Variants in SLC38A1 observed in about 807,000 individuals in gnomAD.
SLC38A1 encodes solute carrier family 38 member 1.
SLC38A1 carries 18 observed loss-of-function variants against 60.3 expected under a neutral mutation model. The ratio of observed to expected loss-of-function variants is 0.30; its 90% CI spans 0.21 to 0.44. The LOEUF (loss-of-function observed/expected upper bound fraction) is 0.44, where lower values mean the gene tolerates loss of function less well. Among genes scored for constraint, SLC38A1 ranks in the 20% least tolerant of loss-of-function variants. The pLI is 1.00. For synonymous variants in SLC38A1, 196 were observed against 212.1 expected, an observed-to-expected ratio of 0.92 and a Z score of 0.66; for missense variants, 448 against 587.2, an observed-to-expected ratio of 0.76 and a Z score of 2.45.
intron 1 of SLC38A1, among the ~76,000 whole-genome samples, chr12:46,261,731 A>G (rs972388535): frequency 5.9e-5 from 9 of 152,190 alleles, no homozygotes; most frequent in African/African-American, 1.9e-4. Flanking sequence ...GGTATTTATC[A>G]TTACTGTCCC....
At chr12:46,192,593 A>G (rs953669090) in intron 16 of SLC38A1, among the ~76,000 whole-genome samples, 3 of 152,048 alleles carry the variant, frequency 2.0e-5, no homozygotes, top group Admixed American at 6.6e-5. Flanking sequence ...GCTATTATTT[A>G]TTGCCTCAAT....
chr12:46,188,747 GA>G lies in SLC38A1; in HGVS notation c.*222del, dbSNP rs1248770650. ...TGGGAAATATGATTGTATGAAATTT[GA>G]AAAAAAAATTTCACAATCCCTAAAT... On this transcript the variant is annotated 3_prime_UTR_variant, in exon 17 of 17. Coordinates refer to ENST00000398637, the MANE Select transcript of SLC38A1 (RefSeq NM_030674.4). 27 of 404,526 alleles carry G rather than the reference GA, an allele frequency of 6.7e-5. No individual in the cohort carries two copies. Among genetic ancestry groups the G allele is most frequent in the Non-Finnish European group, 8.5e-5 (19 of 223,358 alleles). 25.1% of individuals were successfully genotyped at this position (404,526 alleles called of 1,614,324 possible). A position where few individuals can be genotyped will look rare whatever the true frequency, so the allele number is the denominator to read the frequency against.
At position 46,184,667 on chromosome 12, in the gene SLC38A1, A is replaced by G. The variant is rs1321177336; in HGVS notation, c.*4303T>C. On this transcript the variant is annotated 3_prime_UTR_variant, in exon 17 of 17. Coordinates refer to ENST00000398637, the MANE Select transcript of SLC38A1 (RefSeq NM_030674.4). ...AGCAGAGCAGACCTTTCAGTAGAGA[A>G]TTCGCTTTAAAAGGAGGACAGGATT... is the stretch of plus-strand genomic sequence containing the variant. The G allele has an allele frequency of 6.6e-6, 1 of 152,188 alleles. No individual in the cohort carries two copies. The highest frequency in any genetic ancestry group is 1.9e-4 in the East Asian group (1 of 5,196). 9.4% of individuals were successfully genotyped at this position (152,188 alleles called of 1,614,324 possible). A position where few individuals can be genotyped will look rare whatever the true frequency, so the allele number is the denominator to read the frequency against.
At chr12:46,203,991 G>A (rs1031819781) in intron 11 of SLC38A1, among the ~76,000 whole-genome samples, 11 of 152,064 alleles carry the variant, frequency 7.2e-5, no homozygotes, top group Non-Finnish European at 1.6e-4. Flanking sequence ...TTCTGTCATC[G>A]CCAGAAGAAG....
At chr12:46,229,442 T>C in intron 4 of SLC38A1, 122 bp downstream of exon 4, 2 of 834,366 alleles carry the variant, frequency 2.4e-6, no homozygotes, top group Non-Finnish European at 4.0e-6. Context: ...ACATAAGGTA[T>C]GAGGAATATC....
intron 13 of SLC38A1, among the ~76,000 whole-genome samples, chr12:46,198,972 A>G (rs995153839): frequency 1.3e-5 from 2 of 152,226 alleles, no homozygotes; most frequent in Non-Finnish European, 2.9e-5. Context: ...AAGAAGCTAC[A>G]TGGAGTGGGA....
At chr12:46,202,591 T>C (rs1281805194) in intron 12 of SLC38A1, among the ~76,000 whole-genome samples, 1 of 152,226 alleles carries the variant, frequency 6.6e-6, no homozygotes, top group Non-Finnish European at 1.5e-5. Flanking sequence ...TCTGATTTAC[T>C]AGCCTTTTCA....
At chr12:46,200,191 T>C (rs1313012647) in intron 13 of SLC38A1, among the ~76,000 whole-genome samples, 2 of 152,202 alleles carry the variant, frequency 1.3e-5, no homozygotes, top group Non-Finnish European at 2.9e-5. Context: ...TATGAATTCA[T>C]TAGACAATGC....
chr12:46,229,213 A>G lies in SLC38A1; in HGVS notation c.254T>C (p.Met85Thr), dbSNP rs1351440148. Residue 85 changes from methionine to threonine, a missense_variant, in exon 5 of 17, where the codon ATG becomes ACG. Met to Thr is a moderately conservative substitution (Grantham distance 81, BLOSUM62 -1). Around this residue, in one of 2 missense-constraint regions of SLC38A1, gnomAD observed 346 missense variants for 497.5 expected, o/e 0.70. Transcript: ENST00000398637. Reference sequence around the variant, plus strand: ...GGCGAGTCCCAAAATCCCACTGCCCATAATGGCGTTGCTTAGGTTAAAAAC... The same window carrying G: ...GGCGAGTCCCAAAATCCCACTGCCCGTAATGGCGTTGCTTAGGTTAAAAAC... The part of the protein sequence containing the change: ...MSVFNLSNAI[M>T]GSGILGLAFA... The G allele has an allele frequency of 6.2e-7, 1 of 1,613,874 alleles. No individual in the cohort carries two copies. Among genetic ancestry groups the G allele is most frequent in the Non-Finnish European group, 8.5e-7 (1 of 1,179,852 alleles).
rs1939804675 is a variant in SLC38A1, at chr12:46,204,500, A to G, written c.705+32T>C. The stretch of plus-strand genomic sequence containing the variant: ...TATTACATGCCATTGTACTATCACA[A>G]AACCAAACCAACCATTGCAATCAGC... On this transcript the variant is annotated intron_variant, in intron 10 of 16. Transcript: ENST00000398637. 1.9e-6 allele frequency: 3 copies of G among 1,611,236 alleles called. No individual in the cohort carries two copies. In the East Asian group the frequency reaches 6.7e-5, roughly 36 times the overall value.
At chr12:46,206,834 C>G (rs1492890) in intron 8 of SLC38A1, among the ~76,000 whole-genome samples, 1 of 151,998 alleles carries the variant, frequency 6.6e-6, no homozygotes, top group Non-Finnish European at 1.5e-5. Context: ...TTTTGTTGCA[C>G]GTTCCACTTT....
At chr12:46,226,609 T>C (rs544669573) in intron 5 of SLC38A1, among the ~76,000 whole-genome samples, 1 of 134,524 alleles carries the variant, frequency 7.4e-6, no homozygotes, top group Non-Finnish European at 1.6e-5. Flanking sequence ...CTGAAGGTCA[T>C]GGATTTCCTT....
intron 16 of SLC38A1, among the ~76,000 whole-genome samples, chr12:46,194,158 G>A (rs1939265135): frequency 6.6e-6 from 1 of 152,154 alleles, no homozygotes; most frequent in Non-Finnish European, 1.5e-5. Context: ...GCATTTGCTT[G>A]TCTGTAAAGG....
Position 46,203,158 on chromosome 12 carries a change from T to G in SLC38A1, c.823-69A>C, listed in dbSNP as rs1939737911. 3 of 1,267,854 alleles carry G rather than the reference T, an allele frequency of 2.4e-6. No homozygotes were observed. The Admixed American group carries it at 5.5e-5, about 23-fold the overall frequency. The allele number at this position is 1,267,854 out of a possible 1,614,324, so 78.5% of individuals were successfully genotyped here. A position where few individuals can be genotyped will look rare whatever the true frequency, so the allele number is the denominator to read the frequency against. On this transcript the variant is annotated intron_variant, in intron 11 of 16. Coordinates refer to ENST00000398637, the MANE Select transcript of SLC38A1 (RefSeq NM_030674.4). The stretch of plus-strand genomic sequence containing the variant: ...CATAAAAAGGACATAGCTCCAGTAT[T>G]TCTGAGCTGTCTTTTTATCTGACAG...
At position 46,197,751 on chromosome 12, in the gene SLC38A1, T is replaced by G; in HGVS notation, c.1331A>C (p.Gln444Pro). 6.2e-7 allele frequency: 1 copy of G among 1,602,714 alleles called. No individual in the cohort carries two copies. ...TCTTTGAGTTCCTTTATCTCCATCCTGGTCTGTGATTTTTAAATAAAGAGA... is the reference window on the plus strand; with the variant it reads ...TCTTTGAGTTCCTTTATCTCCATCCGGGTCTGTGATTTTTAAATAAAGAGA... ...PSSLYLKITD[Q>P]DGDKGTQRIW... Residue 444 changes from glutamine (Q) to proline (P), a missense_variant, in exon 16 of 17, where the codon CAG becomes CCG. This residue lies in a region of SLC38A1 where 346 missense variants were observed against 497.5 expected (regional missense o/e 0.70). Transcript: ENST00000398637.
At position 46,204,322 on chromosome 12, in the gene SLC38A1, T is replaced by G. The variant is rs1248654046; in HGVS notation, c.801A>C (p.Lys267Asn). The G allele has an allele frequency of 6.2e-7, 1 of 1,609,710 alleles. No homozygotes were observed. Residue 267 changes from lysine (K) to asparagine (N), a missense_variant, in exon 11 of 17, where the codon AAA (lysine) becomes AAC (asparagine). Physicochemically the swap from Lys to Asn is moderately conservative, Grantham distance 94. Transcript: ENST00000398637. ...NSTNADTCTP[K>N]YVTFNSKTVY... ...TTACCTTTGAATTGAAGGTAACATA[T>G]TTTGGCGTACACGTGTCAGCATTTG...
chr12:46,236,080 T>C (rs992326102), intron 3 of SLC38A1, among the ~76,000 whole-genome samples: 2 of 152,206 alleles, frequency 1.3e-5, no homozygotes, highest in Non-Finnish European at 2.9e-5. Flanking sequence ...AGGCTTACTA[T>C]TGCCAGACAC....
At chr12:46,244,939 TATA>T (rs1304277027) in intron 1 of SLC38A1, among the ~76,000 whole-genome samples, 1 of 152,218 alleles carries the variant, frequency 6.6e-6, no homozygotes, top group Non-Finnish European at 1.5e-5. Context: ...TAGACAATGG[TATA>T]ATGAACTCCC....
intron 9 of SLC38A1, among the ~76,000 whole-genome samples, chr12:46,205,521 C>T (rs1939858149): frequency 6.6e-6 from 1 of 152,098 alleles, no homozygotes; most frequent in Non-Finnish European, 1.5e-5. Context: ...CATCAGGCAT[C>T]CTTGTCTCCA....
Sources: gnomAD v4.1 joint callset for allele counts (sites outside exome capture counted in the v4.1 genomes callset) on GRCh38, gnomAD v4.1.1 for gene constraint, gnomAD v4.1.1 regional missense constraint, MANE v1.5 for transcripts, NCBI Gene and HGNC (gene_info 2026-07-23, HGNC 2026-07-21) for gene names.